Variants in SETDB2 observed in about 807,000 individuals in gnomAD.
SETDB2 encodes histone-lysine N-methyltransferase SETDB2.
SETDB2 carries 56 observed loss-of-function variants against 82.5 expected under a neutral mutation model. That is an observed-to-expected ratio of 0.68 (90% CI 0.55 to 0.85). The LOEUF is 0.85. SETDB2 is among the 40% of genes least tolerant of loss of function. The pLI is 0.00. For synonymous variants in SETDB2, 272 were observed against 284.9 expected (o/e 0.95, Z 0.46); for missense variants, 677 against 816.4 (o/e 0.83, Z 2.08).
chr13:49,469,550 T>C (rs906980611), intron 5 of SETDB2, among the ~76,000 whole-genome samples: 2 of 152,216 alleles, frequency 1.3e-5, no homozygotes, highest in Non-Finnish European at 2.9e-5. Flanking sequence ...GATGCCTTCT[T>C]CTAGAGATTT....
chr13:49,477,412 G>A (rs532186884), intron 6 of SETDB2, among the ~76,000 whole-genome samples: 2 of 152,002 alleles, frequency 1.3e-5, no homozygotes, highest in African/African-American at 2.4e-5. Context: ...CAGAGGCCTG[G>A]ACAACAAAGC....
In SETDB2 at chr13:49,457,892, A is replaced by G. The variant is rs1280314498; in HGVS notation, c.17-2215A>G. Among the ~76,000 whole-genome samples, 6 of 152,328 alleles carry G rather than the reference A, an allele frequency of 3.9e-5. No individual in the cohort carries two copies. In the South Asian group the frequency reaches 1.0e-3, roughly 26 times the overall value. On this transcript the variant is annotated intron_variant, in intron 2 of 13. Coordinates refer to ENST00000611815, the MANE Select transcript of SETDB2 (RefSeq NM_001160308.3). The stretch of plus-strand genomic sequence containing the variant: ...TTAAATACTTCCAAAATACTTGAAA[A>G]TACTTCAAAATACATCTCAATGTCC...
chr13:49,475,787 C>T (rs921413108), intron 5 of SETDB2, among the ~76,000 whole-genome samples: 6 of 151,842 alleles, frequency 4.0e-5, no homozygotes, highest in African/African-American at 7.3e-5. Flanking sequence ...CACACCCTGC[C>T]GACTTTTTTT....
intron 5 of SETDB2, among the ~76,000 whole-genome samples, chr13:49,473,377 C>G (rs1958288503): frequency 6.6e-6 from 1 of 151,678 alleles, no homozygotes; most frequent in Non-Finnish European, 1.5e-5. Flanking sequence ...TGGTGAGACC[C>G]CATCTCTACC....
chr13:49,449,375 C>G (rs1412915189), intron 1 of SETDB2, among the ~76,000 whole-genome samples: 1 of 152,046 alleles, frequency 6.6e-6, no homozygotes, highest in Non-Finnish European at 1.5e-5. Context: ...CTCAGCCTCC[C>G]AAGTAGCCCA....
chr13:49,488,643 G>T lies in SETDB2; in HGVS notation c.1917+13G>T. 6.5e-7 allele frequency: 1 copy of T among 1,539,372 alleles called. No homozygotes were observed. Among genetic ancestry groups the T allele is most frequent in the Non-Finnish European group, 8.7e-7 (1 of 1,145,344 alleles). ...CCGCTTCCTTAATGTGAGTATAAGG[G>T]CTGAGATTCCTATTTCTGAACAACT... On this transcript the variant is annotated intron_variant, in intron 12 of 13. Transcript: ENST00000611815.
At chr13:49,478,410 A>G (rs1048587687) in intron 6 of SETDB2, among the ~76,000 whole-genome samples, 2 of 152,258 alleles carry the variant, frequency 1.3e-5, no homozygotes, top group African/African-American at 4.8e-5. Flanking sequence ...TGTAAAACCA[A>G]TGGGGTCAGA....
chr13:49,480,136 A>G, intron 6 of SETDB2, 83 bp from the exon 7 acceptor site: 1 of 852,264 alleles, frequency 1.2e-6, no homozygotes, highest in South Asian at 1.7e-5. Context: ...CTTTTATTAC[A>G]TCATTTACAC....
At position 49,464,201 on chromosome 13, in the gene SETDB2, T is replaced by C; in HGVS notation, c.208+3039T>C. On this transcript the variant is annotated intron_variant, in intron 4 of 13. Coordinates refer to ENST00000611815, the MANE Select transcript of SETDB2 (RefSeq NM_001160308.3). ...TGTAACAGTGTCTGTCTGAGTATAGTACTGACTTCCTCTGCTCTCCCTGAT... is the reference window on the plus strand; with the variant it reads ...TGTAACAGTGTCTGTCTGAGTATAGCACTGACTTCCTCTGCTCTCCCTGAT... 4.7e-6 allele frequency: 3 copies of C among 636,770 alleles called. No homozygotes were observed. The East Asian group carries it at 8.3e-5, about 18-fold the overall frequency. The allele number at this position is 636,770 out of a possible 1,614,324, so 39.4% of individuals were successfully genotyped here.
At position 49,488,443 on chromosome 13, in the gene SETDB2, T is replaced by C; in HGVS notation, c.1730T>C (p.Ile577Thr). The C allele has an allele frequency of 6.2e-7, 1 of 1,614,068 alleles. No homozygotes were observed. Among genetic ancestry groups the C allele is most frequent in the South Asian group, 1.1e-5 (1 of 91,074 alleles). ...TLDNQNIKKAIEVQIQKPQEG... is the reference protein window; with the variant it reads ...TLDNQNIKKATEVQIQKPQEG... Reference sequence around the variant, plus strand: ...GATAATCAGAATATTAAAAAGGCAATTGAGGTTCAAATTCAGAAACCCCAA... The same window carrying C: ...GATAATCAGAATATTAAAAAGGCAACTGAGGTTCAAATTCAGAAACCCCAA... The change falls in exon 12 of 14, where the codon ATT (isoleucine) becomes ACT (threonine). Residue 577 changes from isoleucine (I) to threonine (T), a missense_variant. Ile to Thr is a moderately conservative substitution (Grantham distance 89). This residue lies in a region of SETDB2 where 420 missense variants were observed against 554.6 expected (regional missense o/e 0.76). Transcript: ENST00000611815.
intron 2 of SETDB2, among the ~76,000 whole-genome samples, chr13:49,458,759 A>G (rs889356418): frequency 6.6e-6 from 1 of 152,174 alleles, no homozygotes; most frequent in South Asian, 2.1e-4. Flanking sequence ...CTGTCCCTCT[A>G]CCTTTATTCA....
intron 12 of SETDB2, among the ~76,000 whole-genome samples, chr13:49,490,095 G>A (rs181847820): frequency 1.6e-3 from 244 of 150,314 alleles, no homozygotes; most frequent in Middle Eastern, 3.4e-3. Flanking sequence ...TGGCCAACAC[G>A]GCAAAACCCC....
chr13:49,458,933 C>T (rs562121760), intron 2 of SETDB2, among the ~76,000 whole-genome samples: 9 of 152,218 alleles, frequency 5.9e-5, no homozygotes, highest in Non-Finnish European at 1.3e-4. Flanking sequence ...ATAAAAGGTG[C>T]TTAGCATGGC....
At chr13:49,465,396 T>G (rs1264217146) in intron 4 of SETDB2, among the ~76,000 whole-genome samples, 1 of 152,262 alleles carries the variant, frequency 6.6e-6, no homozygotes, top group Non-Finnish European at 1.5e-5. Context: ...ACATTTGTTT[T>G]GTTCATATTT....
chr13:49,476,621 A>G lies in SETDB2; in HGVS notation c.451A>G (p.Asn151Asp). ...MKMPLNLKGE[N>D]PLQLPIKCHF... ...AATGCCACTGAACTTGAAGGGAGAA[A>G]ACCCTCTGCAGCTGCCAATCAAATG... The change falls in exon 6 of 14, where the codon AAC becomes GAC. Residue 151 changes from asparagine to aspartate, a missense_variant. Asn to Asp is a conservative substitution (Grantham distance 23). Coordinates refer to ENST00000611815, the MANE Select transcript of SETDB2 (RefSeq NM_001160308.3). The G allele has an allele frequency of 6.2e-7, 1 of 1,614,122 alleles. No homozygotes were observed.
intron 1 of SETDB2, among the ~76,000 whole-genome samples, chr13:49,449,374 C>G (rs1448510059): frequency 2.0e-5 from 3 of 152,038 alleles, no homozygotes; most frequent in Admixed American, 2.0e-4. Flanking sequence ...CCTCAGCCTC[C>G]CAAGTAGCCC....
chr13:49,472,577 AT>A (rs1009196025), intron 5 of SETDB2, among the ~76,000 whole-genome samples: 69 of 148,028 alleles, frequency 4.7e-4, no homozygotes, highest in Admixed American at 1.5e-3. Context: ...TTTTATTTCT[AT>A]TTTTTTTTTC....
At chr13:49,449,612 T>G (rs1957751617) in intron 1 of SETDB2, among the ~76,000 whole-genome samples, 1 of 152,180 alleles carries the variant, frequency 6.6e-6, no homozygotes, top group South Asian at 2.1e-4. Flanking sequence ...AGTTCTTAAA[T>G]TTATGTTTTC....
At chr13:49,487,372 G>A (rs1425867659) in intron 11 of SETDB2, among the ~76,000 whole-genome samples, 2 of 151,902 alleles carry the variant, frequency 1.3e-5, no homozygotes, top group African/African-American at 4.8e-5. Flanking sequence ...GACTCATTCT[G>A]TCACCCAAGC....
Sources: allele counts gnomAD v4.1 joint callset (sites outside exome capture counted in the v4.1 genomes callset), GRCh38; gene constraint gnomAD v4.1.1; regional missense constraint gnomAD v4.1.1; transcripts MANE v1.5; gene names NCBI Gene and HGNC (gene_info 2026-07-23, HGNC 2026-07-21).